The following BPNT2 variants were observed in gnomAD, a reference collection of about 807,000 sequenced individuals.
BPNT2 encodes the protein 3'(2'), 5'-bisphosphate nucleotidase 2.
Under a neutral mutation model 29.3 loss-of-function variants are expected in BPNT2, and 11 were observed. The observed-to-expected ratio is 0.38, with a 90% CI of 0.24 to 0.62. BPNT2 has a LOEUF of 0.62. BPNT2 is among the 20% of genes least tolerant of loss of function. The pLI is 0.62. For synonymous variants in BPNT2, 195 were observed against 187.7 expected (o/e 1.04, Z -0.32); for missense variants, 459 against 473.4 (o/e 0.97, Z 0.28).
Position 56,963,762 on chromosome 8 carries a change from G to A in BPNT2, c.*31C>T, listed in dbSNP as rs1246085908. 1 of 1,612,712 alleles carries A rather than the reference G, an allele frequency of 6.2e-7. No homozygotes were observed. The highest frequency in any genetic ancestry group is 1.7e-5 in the Admixed American group (1 of 60,000). ...GCATCTCAGGCTAACCATTTCAGCTGTGAAGAACTGTACCCTGTAATCAGT... is the reference window on the plus strand; with the variant it reads ...GCATCTCAGGCTAACCATTTCAGCTATGAAGAACTGTACCCTGTAATCAGT... On this transcript the variant is annotated 3_prime_UTR_variant, in exon 5 of 5. Transcript: ENST00000262644.
At chr8:56,991,545 A>G (rs758443938) in intron 1 of BPNT2, among the ~76,000 whole-genome samples, 5 of 152,232 alleles carry the variant, frequency 3.3e-5, no homozygotes, top group Admixed American at 6.5e-5. Flanking sequence ...TTCTACAATT[A>G]TAAGTTTTAA....
chr8:56,965,803 T>C (rs920587088), intron 4 of BPNT2, among the ~76,000 whole-genome samples: 3 of 152,198 alleles, frequency 2.0e-5, no homozygotes, highest in African/African-American at 7.2e-5. Context: ...TAATAATACT[T>C]ATGATGACTC....
Position 56,960,301 on chromosome 8 carries a change from A to G in BPNT2, c.*3492T>C, listed in dbSNP as rs1024091811. 6.6e-6 allele frequency: 1 copy of G among 152,212 alleles called. No individual in the cohort carries two copies. The highest frequency in any genetic ancestry group is 2.4e-5 in the African/African-American group (1 of 41,452). The allele number at this position is 152,212 out of a possible 1,614,324, so 9.4% of individuals were successfully genotyped here. Reference sequence around the variant, plus strand: ...AATTCAACATGAAACAAGGACAGATATCCTGATCCTGGGGTGACCAGGGTA... The same window carrying G: ...AATTCAACATGAAACAAGGACAGATGTCCTGATCCTGGGGTGACCAGGGTA... On this transcript the variant is annotated 3_prime_UTR_variant, in exon 5 of 5. Transcript: ENST00000262644.
chr8:56,961,636 G>C lies in BPNT2; in HGVS notation c.*2157C>G, dbSNP rs1217777836. On this transcript the variant is annotated 3_prime_UTR_variant, in exon 5 of 5. Coordinates refer to ENST00000262644, the MANE Select transcript of BPNT2 (RefSeq NM_017813.5). Reference sequence around the variant, plus strand: ...GCGGATCACCTGAGGTCGGGAGTTCGAGACCAGCCTGACCAACATGGAGAA... The same window carrying C: ...GCGGATCACCTGAGGTCGGGAGTTCCAGACCAGCCTGACCAACATGGAGAA... 6.6e-6 allele frequency: 1 copy of C among 152,072 alleles called. No homozygotes were observed. Among genetic ancestry groups the C allele is most frequent in the Admixed American group, 6.5e-5 (1 of 15,272 alleles). 9.4% of individuals were successfully genotyped at this position (152,072 alleles called of 1,614,324 possible).
At chr8:56,986,237 A>T (rs190463804) in intron 1 of BPNT2, among the ~76,000 whole-genome samples, 2 of 152,352 alleles carry the variant, frequency 1.3e-5, no homozygotes, top group African/African-American at 4.8e-5. Flanking sequence ...TTGCATCAGG[A>T]ACTCTGAGAA....
At chr8:56,992,425 T>A (rs1313455423) in intron 1 of BPNT2, among the ~76,000 whole-genome samples, 2 of 151,854 alleles carry the variant, frequency 1.3e-5, no homozygotes, top group East Asian at 3.8e-4. Context: ...TCCAGTGAAA[T>A]GATGAATTCA....
chr8:56,969,247 A>G (rs1016883650), intron 3 of BPNT2, among the ~76,000 whole-genome samples: 10 of 152,244 alleles, frequency 6.6e-5, no homozygotes, highest in Non-Finnish European at 1.5e-4. Context: ...AGAGTGAACC[A>G]AAGACTGTAT....
chr8:56,991,273 C>A (rs1173069253), intron 1 of BPNT2, among the ~76,000 whole-genome samples: 1 of 152,176 alleles, frequency 6.6e-6, no homozygotes, highest in Admixed American at 6.5e-5. Context: ...GAAGCACATG[C>A]AAACATTCAA....
chr8:56,972,461 C>T (rs1390569958), intron 3 of BPNT2, among the ~76,000 whole-genome samples: 3 of 151,976 alleles, frequency 2.0e-5, no homozygotes, highest in African/African-American at 7.3e-5. Flanking sequence ...ACTCATGAAG[C>T]CATTGCTGAA....
intron 3 of BPNT2, among the ~76,000 whole-genome samples, chr8:56,975,862 G>A (rs1806121790): frequency 6.6e-6 from 1 of 152,160 alleles, no homozygotes; most frequent in Non-Finnish European, 1.5e-5. Context: ...GAATGACCTT[G>A]AGGAAGGTAT....
At chr8:56,964,098 CA>C (rs1563404114) in intron 4 of BPNT2, 34 bp from the exon 5 acceptor site, 2 of 1,490,410 alleles carry the variant, frequency 1.3e-6, no homozygotes, top group Non-Finnish European at 1.8e-6. Flanking sequence ...GGTTATTATT[CA>C]AAAAATTTTA....
chr8:56,976,136 A>T (rs1046609755), intron 3 of BPNT2, among the ~76,000 whole-genome samples: 1 of 152,142 alleles, frequency 6.6e-6, no homozygotes, highest in African/African-American at 2.4e-5. Flanking sequence ...TCAAACCCTT[A>T]GTGGGAAATG....
intron 3 of BPNT2, among the ~76,000 whole-genome samples, chr8:56,974,587 A>C (rs951831536): frequency 1.3e-5 from 2 of 152,226 alleles, no homozygotes; most frequent in East Asian, 3.8e-4. Context: ...GGGCACAAGC[A>C]AACATTCAGT....
Position 56,958,204 on chromosome 8 carries a change from A to G in BPNT2, c.*5589T>C, listed in dbSNP as rs1805770319. On this transcript the variant is annotated 3_prime_UTR_variant, in exon 5 of 5. Transcript: ENST00000262644. ...TGCTAATGCTAATAATCCTTTATTC[A>G]ATTTAGCTCAACACACATTAAGTAC... The G allele has an allele frequency of 6.6e-6, 1 of 152,200 alleles. No individual in the cohort carries two copies. The highest frequency in any genetic ancestry group is 1.9e-4 in the East Asian group (1 of 5,204). 9.4% of individuals were successfully genotyped at this position (152,200 alleles called of 1,614,324 possible). A position where few individuals can be genotyped will look rare whatever the true frequency, so the allele number is the denominator to read the frequency against.
In BPNT2 at chr8:56,963,000, A is replaced by G. The variant is rs1214122634; in HGVS notation, c.*793T>C. 2 of 152,232 alleles carry G rather than the reference A, an allele frequency of 1.3e-5. No individual in the cohort carries two copies. Among genetic ancestry groups the G allele is most frequent in the African/African-American group, 2.4e-5 (1 of 41,468 alleles). The allele number at this position is 152,232 out of a possible 1,614,324, so 9.4% of individuals were successfully genotyped here. On this transcript the variant is annotated 3_prime_UTR_variant, in exon 5 of 5. Coordinates refer to ENST00000262644, the MANE Select transcript of BPNT2 (RefSeq NM_017813.5). ...CCTGAAACCTTAAACCGAACCTTAC[A>G]AAGTTAAAGACTAAGTGTTGGTCAG...
At chr8:56,971,781 CA>C (rs1363676134) in intron 3 of BPNT2, among the ~76,000 whole-genome samples, 1 of 82,220 alleles carries the variant, frequency 1.2e-5, no homozygotes, top group African/African-American at 5.5e-5. Context: ...AATTTTGTAC[CA>C]CCCCCCCCCC....
At chr8:56,976,932 A>C (rs1046541325) in intron 3 of BPNT2, among the ~76,000 whole-genome samples, 1 of 152,160 alleles carries the variant, frequency 6.6e-6, no homozygotes, top group Admixed American at 6.5e-5. Flanking sequence ...CCAGGAAAGC[A>C]CTGACATGAT....
intron 1 of BPNT2, among the ~76,000 whole-genome samples, chr8:56,984,068 G>T (rs1283004373): frequency 6.6e-6 from 1 of 152,030 alleles, no homozygotes; most frequent in Non-Finnish European, 1.5e-5. Flanking sequence ...TAGAAAAGAC[G>T]AAGTAGCTTA....
In BPNT2 at chr8:56,964,043, A is replaced by G; in HGVS notation, c.830T>C (p.Leu277Ser). Residue 277 changes from leucine (L) to serine (S), a missense_variant, in exon 5 of 5, where the codon TTG becomes TCG. Coordinates refer to ENST00000262644, the MANE Select transcript of BPNT2 (RefSeq NM_017813.5). ...TTCTTGACTCTTATCAGGCACATCC[A>G]AAAGTGCTAAAACTTTATAACCTAA... ...GGAGYKVLAL[L>S]DVPDKSQEKA... The G allele has an allele frequency of 6.3e-7, 1 of 1,595,862 alleles. No individual in the cohort carries two copies. Among genetic ancestry groups the G allele is most frequent in the Non-Finnish European group, 8.6e-7 (1 of 1,168,418 alleles).
Sources: allele counts gnomAD v4.1 joint callset (sites outside exome capture counted in the v4.1 genomes callset), GRCh38; gene constraint gnomAD v4.1.1; transcripts MANE v1.5; gene names NCBI Gene and HGNC (gene_info 2026-07-23, HGNC 2026-07-21).